The following ULK4 variants were observed in gnomAD, a reference collection of about 807,000 sequenced individuals.
ULK4 encodes the protein unc-51 like kinase 4.
ULK4 carries 133 observed loss-of-function variants against 160.6 expected under a neutral mutation model. The ratio of observed to expected loss-of-function variants is 0.83; its 90% CI spans 0.72 to 0.96. The LOEUF (loss-of-function observed/expected upper bound fraction) is 0.96, where lower values mean the gene tolerates loss of function less well. Among genes scored for constraint, ULK4 ranks in the 40% least tolerant of loss-of-function variants. The probability of loss-of-function intolerance (pLI) is 0.00; values close to 1 mark genes in which losing one functional copy is unlikely to be tolerated. For synonymous variants in ULK4, 534 were observed against 539.8 expected, an observed-to-expected ratio of 0.99 and a Z score of 0.15; for missense variants, 1,580 against 1,499.5, an observed-to-expected ratio of 1.05 and a Z score of -0.89.
At chr3:41,727,090 A>G (rs1238542998) in intron 22 of ULK4, among the ~76,000 whole-genome samples, 3 of 152,132 alleles carry the variant, frequency 2.0e-5, no homozygotes, top group Non-Finnish European at 4.4e-5. Context: ...TCATCACCAC[A>G]GGAATCCTAT....
At chr3:41,505,772 T>TAG (rs1357466543) in intron 32 of ULK4, among the ~76,000 whole-genome samples, 1 of 152,170 alleles carries the variant, frequency 6.6e-6, no homozygotes, top group Non-Finnish European at 1.5e-5. Context: ...GGTAGTTTTA[T>TAG]TTCTTCCTTT....
At position 41,931,938 on chromosome 3, in the gene ULK4, A is replaced by T; in HGVS notation, c.447T>A (p.Asn149Lys). The T allele has an allele frequency of 6.2e-7, 1 of 1,613,916 alleles. No individual in the cohort carries two copies. The highest frequency in any genetic ancestry group is 8.5e-7 in the Non-Finnish European group (1 of 1,179,992). The change falls in exon 5 of 37, where the codon AAT (asparagine) becomes AAA (lysine). Residue 149 changes from asparagine (N) to lysine (K), a missense_variant. Coordinates refer to ENST00000301831, the MANE Select transcript of ULK4 (RefSeq NM_017886.4). Reference protein sequence around the residue: ...NFCLAKVEGENLEEFFALVAA... With the variant: ...NFCLAKVEGEKLEEFFALVAA... ...CCACCAAAGCAAAGAACTCTTCCAA[A>T]TTTTCACCTTCCACTTTTGCCAAGC...
chr3:41,862,379 C>T (rs779986372), intron 17 of ULK4, among the ~76,000 whole-genome samples: 17 of 152,188 alleles, frequency 1.1e-4, no homozygotes, highest in Admixed American at 6.5e-4. Context: ...ATCTCTGTTT[C>T]TCCAGGATTG....
intron 35 of ULK4, among the ~76,000 whole-genome samples, chr3:41,374,838 A>G (rs544555923): frequency 1.3e-5 from 2 of 152,354 alleles, no homozygotes; most frequent in South Asian, 4.1e-4. Flanking sequence ...GAAGAGAGGA[A>G]GTCAAATTAT....
chr3:41,444,663 T>G (rs1007956430), intron 34 of ULK4, among the ~76,000 whole-genome samples: 8 of 152,148 alleles, frequency 5.3e-5, no homozygotes, highest in Admixed American at 4.6e-4. Flanking sequence ...AGTATTCTTA[T>G]CCTACATTTA....
At chr3:41,648,581 C>A (rs1326215550) in intron 30 of ULK4, among the ~76,000 whole-genome samples, 7 of 152,152 alleles carry the variant, frequency 4.6e-5, no homozygotes, top group African/African-American at 1.7e-4. Context: ...TTTTCTTAGC[C>A]TACCCTCAAT....
At chr3:41,854,599 T>C (rs576245064) in intron 17 of ULK4, among the ~76,000 whole-genome samples, 2 of 152,070 alleles carry the variant, frequency 1.3e-5, no homozygotes, top group South Asian at 4.2e-4. Flanking sequence ...ATAAGAAAAT[T>C]TCTAGATTTA....
rs548034279 is a variant in ULK4 at position 41,884,388 on chromosome 3, T to C, written c.1578-436A>G. Among the ~76,000 whole-genome samples the C allele has an allele frequency of 5.4e-4, 83 of 152,338 alleles. 1 individual carries two copies. Among genetic ancestry groups the C allele is most frequent in the African/African-American group, 1.4e-3 (57 of 41,582 alleles). On this transcript the variant is annotated intron_variant, in intron 16 of 36. Coordinates refer to ENST00000301831, the MANE Select transcript of ULK4 (RefSeq NM_017886.4). ...ATATCTGAACAGTAACATATCTGTA[T>C]GTATTCAGTGTAAAAGAAATTTTTA...
intron 34 of ULK4, among the ~76,000 whole-genome samples, chr3:41,454,538 T>C (rs868741017): frequency 9.7e-4 from 56 of 57,636 alleles, no homozygotes; most frequent in African/African-American, 4.7e-3. Flanking sequence ...AGACTTCATC[T>C]CAAAAAAAAA....
chr3:41,854,171 G>C (rs908121884), intron 17 of ULK4: 1 of 152,168 alleles, frequency 6.6e-6, no homozygotes, highest in African/African-American at 2.4e-5. Context: ...TCAATGTTGA[G>C]AACCACTGCC....
chr3:41,679,712 G>C (rs2035858208), intron 29 of ULK4, among the ~76,000 whole-genome samples: 1 of 152,136 alleles, frequency 6.6e-6, no homozygotes, highest in African/African-American at 2.4e-5. Flanking sequence ...CAGATATACA[G>C]AAATGTGGTT....
intron 19 of ULK4, among the ~76,000 whole-genome samples, chr3:41,810,904 G>A (rs2040802041): frequency 6.6e-6 from 1 of 151,908 alleles, no homozygotes; most frequent in South Asian, 2.1e-4. Context: ...TTATGTATTT[G>A]AGACAGGGTC....
At chr3:41,871,336 C>A (rs1697083854) in intron 17 of ULK4, among the ~76,000 whole-genome samples, 1 of 152,042 alleles carries the variant, frequency 6.6e-6, no homozygotes, top group Non-Finnish European at 1.5e-5. Flanking sequence ...AGATTTCATA[C>A]TTCTGAAAAA....
At chr3:41,872,762 T>G (rs774538551) in intron 17 of ULK4, among the ~76,000 whole-genome samples, 1 of 151,926 alleles carries the variant, frequency 6.6e-6, no homozygotes, top group Non-Finnish European at 1.5e-5. Context: ...GAAGTATAAA[T>G]TCACACCCCG....
chr3:41,745,549 C>A (rs1242714291), intron 22 of ULK4, among the ~76,000 whole-genome samples: 1 of 151,620 alleles, frequency 6.6e-6, no homozygotes, highest in Non-Finnish European at 1.5e-5. Context: ...AATGGATTCA[C>A]TAGAGAATTC....
intron 21 of ULK4, among the ~76,000 whole-genome samples, chr3:41,755,175 T>C (rs376619738): frequency 1.1e-3 from 163 of 152,216 alleles, no homozygotes; most frequent in African/African-American, 3.9e-3. Context: ...GGAATCGTAA[T>C]ATCAGCAAGA....
intron 32 of ULK4, among the ~76,000 whole-genome samples, chr3:41,561,826 G>A (rs1263841781): frequency 1.3e-5 from 2 of 152,062 alleles, no homozygotes; most frequent in African/African-American, 4.8e-5. Context: ...TGGATTCACT[G>A]ATTTTTTGAA....
chr3:41,747,186 A>T (rs2038448100), intron 22 of ULK4, among the ~76,000 whole-genome samples: 2 of 151,996 alleles, frequency 1.3e-5, no homozygotes, highest in Admixed American at 6.5e-5. Context: ...TTGGTTCTGT[A>T]AAATATCCTG....
At chr3:41,641,749 C>T (rs561278820) in intron 30 of ULK4, among the ~76,000 whole-genome samples, 6 of 150,256 alleles carry the variant, frequency 4.0e-5, no homozygotes, top group African/African-American at 9.8e-5. Flanking sequence ...CATGCTTAAA[C>T]GATTTATGAG....
Sources: allele counts gnomAD v4.1 joint callset (sites outside exome capture counted in the v4.1 genomes callset), GRCh38; gene constraint gnomAD v4.1.1; transcripts MANE v1.5; gene names NCBI Gene and HGNC (gene_info 2026-07-23, HGNC 2026-07-21).